SORCS2: variants seen among roughly 807,000 people sequenced by gnomAD.
SORCS2 encodes sortilin related VPS10 domain containing receptor 2.
Under a neutral mutation model 141.6 loss-of-function variants are expected in SORCS2, and 100 were observed. The ratio of observed to expected loss-of-function variants is 0.71; its 90% CI spans 0.60 to 0.83. SORCS2 has a LOEUF of 0.83. Ranked by LOEUF, SORCS2 falls within the 40% of genes least tolerant of loss-of-function variation. The probability of loss-of-function intolerance (pLI) is 0.00; values close to 1 mark genes in which losing one functional copy is unlikely to be tolerated. For missense variants in SORCS2, 1,646 were observed against 1,560.2 expected (o/e 1.05, Z -0.93); for synonymous variants, 789 against 676.9 (o/e 1.17, Z -2.57).
intron 3 of SORCS2, among the ~76,000 whole-genome samples, chr4:7,579,773 A>T (rs186675058): frequency 2.0e-5 from 3 of 152,284 alleles, no homozygotes; most frequent in East Asian, 3.9e-4. Context: ...TCTGTCAGAG[A>T]TAAAAAACCT....
At chr4:7,336,217 C>T (rs1046766543) in intron 1 of SORCS2, among the ~76,000 whole-genome samples, 4 of 152,184 alleles carry the variant, frequency 2.6e-5, no homozygotes, top group African/African-American at 9.7e-5. Context: ...GTGGAGATGG[C>T]CCCTACTCTC....
chr4:7,543,486 CTCAT>C (rs1212747300), intron 3 of SORCS2, among the ~76,000 whole-genome samples: 2 of 65,478 alleles, frequency 3.1e-5, no homozygotes, highest in African/African-American at 5.1e-5. Flanking sequence ...CATTCACCCA[CTCAT>C]CCATCCATCC....
intron 1 of SORCS2, among the ~76,000 whole-genome samples, chr4:7,370,075 C>T (rs546982832): frequency 6.6e-6 from 1 of 152,226 alleles, no homozygotes; most frequent in Non-Finnish European, 1.5e-5. Flanking sequence ...CAGTGCCCCC[C>T]CAGCTTAGCT....
intron 1 of SORCS2, among the ~76,000 whole-genome samples, chr4:7,250,172 G>T (rs1264125618): frequency 6.6e-6 from 1 of 152,152 alleles, no homozygotes; most frequent in Non-Finnish European, 1.5e-5. Flanking sequence ...AACCCGGGAG[G>T]CGGAGGTTGC....
In SORCS2 at chr4:7,725,243, C is replaced by G; in HGVS notation, c.2701C>G (p.Pro901Ala). 1 of 1,613,602 alleles carries G rather than the reference C, an allele frequency of 6.2e-7. No homozygotes were observed. Among genetic ancestry groups the G allele is most frequent in the Non-Finnish European group, 8.5e-7 (1 of 1,179,662 alleles). Residue 901 changes from proline (P) to alanine (A), a missense_variant, in exon 20 of 27, where the codon CCT becomes GCT. Physicochemically the swap from Pro to Ala is conservative, Grantham distance 27. Transcript: ENST00000507866. ...CACAGCTGTGCTGCTTCCCTTGAAC[C>G]CTAACCTCACCGTCTTCTACTGGTG... ...NLTAVLLPLNPNLTVFYWWIG... is the reference protein window; with the variant it reads ...NLTAVLLPLNANLTVFYWWIG...
intron 1 of SORCS2, among the ~76,000 whole-genome samples, chr4:7,213,886 T>G (rs900779265): frequency 6.6e-6 from 1 of 152,214 alleles, no homozygotes; most frequent in African/African-American, 2.4e-5. Context: ...CTCCAGGAGC[T>G]GGGCTGGGCT....
At chr4:7,635,448 A>T (rs1251713728) in intron 3 of SORCS2, among the ~76,000 whole-genome samples, 1 of 152,226 alleles carries the variant, frequency 6.6e-6, no homozygotes, top group Non-Finnish European at 1.5e-5. Context: ...AATCACTCTT[A>T]CGTCCCGCCA....
Position 7,667,789 on chromosome 4 carries a change from A to C in SORCS2, c.1161+576A>C, listed in dbSNP as rs1036968663. Among the ~76,000 whole-genome samples, 109 of 152,172 alleles carry C rather than the reference A, an allele frequency of 7.2e-4. 1 individual carries two copies. Among genetic ancestry groups the C allele is most frequent in the African/African-American group, 2.6e-3 (106 of 41,528 alleles). ...GACCAGGGGAGCTGGGGATTGCCCA[A>C]CTCTGCCCCTGCCCCTGCCTTGGGG... On this transcript the variant is annotated intron_variant, in intron 8 of 26. Coordinates refer to ENST00000507866, the MANE Select transcript of SORCS2 (RefSeq NM_020777.3).
chr4:7,486,087 G>T (rs1000092957), intron 2 of SORCS2, among the ~76,000 whole-genome samples: 14 of 152,202 alleles, frequency 9.2e-5, no homozygotes, highest in African/African-American at 3.4e-4. Context: ...GGCAACTCCA[G>T]ACTGAAGCGT....
At chr4:7,267,566 C>T (rs190890484) in intron 1 of SORCS2, among the ~76,000 whole-genome samples, 2 of 152,314 alleles carry the variant, frequency 1.3e-5, no homozygotes, top group African/African-American at 4.8e-5. Context: ...CACCGTGGCT[C>T]ATGTCTGTAG....
intron 2 of SORCS2, among the ~76,000 whole-genome samples, chr4:7,451,434 C>A (rs1265599005): frequency 6.6e-6 from 1 of 152,222 alleles, no homozygotes; most frequent in Non-Finnish European, 1.5e-5. Flanking sequence ...TAGCAGCTGG[C>A]AGATATCCAC....
intron 20 of SORCS2, among the ~76,000 whole-genome samples, chr4:7,726,052 G>A (rs1251567340): frequency 6.6e-6 from 1 of 152,224 alleles, no homozygotes; most frequent in Non-Finnish European, 1.5e-5. Context: ...ACACCCATGG[G>A]GGTGGCCTCT....
At chr4:7,508,350 CTTTT>C (rs35443053) in intron 2 of SORCS2, among the ~76,000 whole-genome samples, 33 of 69,752 alleles carry the variant, frequency 4.7e-4, no homozygotes, top group African/African-American at 1.0e-3. Context: ...AGATCTCAGG[CTTTT>C]TTTTTTTTTT....
rs185626830 is a variant in SORCS2 at position 7,280,229 on chromosome 4, C to T, written c.480+87103C>T. ...GGGTACCCACAGAGAAACAGGGACTCAACACCCAGGAAATCACACGTGGAT... is the reference window on the plus strand; with the variant it reads ...GGGTACCCACAGAGAAACAGGGACTTAACACCCAGGAAATCACACGTGGAT... On this transcript the variant is annotated intron_variant, in intron 1 of 26. Transcript: ENST00000507866. Among the ~76,000 whole-genome samples, 9 of 152,214 alleles carry T rather than the reference C, an allele frequency of 5.9e-5. No homozygotes were observed. In the East Asian group the frequency reaches 1.5e-3, roughly 26 times the overall value.
intron 1 of SORCS2, among the ~76,000 whole-genome samples, chr4:7,365,449 G>A (rs1306053920): frequency 6.6e-6 from 1 of 152,168 alleles, no homozygotes; most frequent in Non-Finnish European, 1.5e-5. Context: ...GCTGGGACAA[G>A]AGCCTGGTCT....
At chr4:7,313,942 C>A (rs1439953074) in intron 1 of SORCS2, among the ~76,000 whole-genome samples, 1 of 152,322 alleles carries the variant, frequency 6.6e-6, no homozygotes, top group African/African-American at 2.4e-5. Context: ...CTGCTGCAGA[C>A]CCCAGAGCCC....
intron 1 of SORCS2, among the ~76,000 whole-genome samples, chr4:7,372,234 A>G (rs1235075261): frequency 6.6e-6 from 1 of 152,228 alleles, no homozygotes; most frequent in Admixed American, 6.5e-5. Flanking sequence ...GGTTGAATGC[A>G]GTAATAATGA....
At chr4:7,293,715 T>C (rs1001599527) in intron 1 of SORCS2, among the ~76,000 whole-genome samples, 7 of 152,190 alleles carry the variant, frequency 4.6e-5, no homozygotes, top group African/African-American at 1.7e-4. Context: ...CTACTGGCGA[T>C]CCCTATGCAG....
At chr4:7,223,438 G>GACAAAAA (rs1728828651) in intron 1 of SORCS2, among the ~76,000 whole-genome samples, 1 of 152,072 alleles carries the variant, frequency 6.6e-6, no homozygotes, top group African/African-American at 2.4e-5. Context: ...CTTTATTTTT[G>GACAAAAA]TATCACTGTG....
Sources: gnomAD v4.1 joint callset for allele counts (sites outside exome capture counted in the v4.1 genomes callset) on GRCh38, gnomAD v4.1.1 for gene constraint, MANE v1.5 for transcripts, NCBI Gene and HGNC (gene_info 2026-07-23, HGNC 2026-07-21) for gene names.